Variants in SPATA9 observed in about 807,000 individuals in gnomAD.
SPATA9 encodes the protein spermatogenesis-associated protein 9.
In SPATA9, 27 loss-of-function variants were observed where a neutral mutation model predicts 25.5. The observed-to-expected ratio is 1.06, with a 90% CI of 0.78 to 1.46. The LOEUF (loss-of-function observed/expected upper bound fraction) is 1.46. Among genes scored for constraint, SPATA9 ranks in the 40% most tolerant of loss-of-function variants. The probability of loss-of-function intolerance (pLI) is 0.00; values close to 1 mark genes in which losing one functional copy is unlikely to be tolerated. For synonymous variants in SPATA9, 102 were observed against 105.7 expected, an observed-to-expected ratio of 0.97 and a Z score of 0.21; for missense variants, 282 against 297.5, an observed-to-expected ratio of 0.95 and a Z score of 0.38.
intron 3 of SPATA9, among the ~76,000 whole-genome samples, chr5:95,665,829 C>G (rs549311184): frequency 6.6e-6 from 1 of 152,226 alleles, no homozygotes; most frequent in South Asian, 2.1e-4. Context: ...ATTAGCCAGG[C>G]CTGGTGGCGC....
At chr5:95,701,999 T>G (rs1754189840), upstream of SPATA9, among the ~76,000 whole-genome samples, 1 of 152,232 alleles carries the variant, frequency 6.6e-6, no homozygotes, top group African/African-American at 2.4e-5. Flanking sequence ...TTTAAATCCT[T>G]AAAGGATTGT....
chr5:95,699,451 A>C (rs1328529721), upstream of SPATA9, among the ~76,000 whole-genome samples: 1 of 152,240 alleles, frequency 6.6e-6, no homozygotes, highest in Non-Finnish European at 1.5e-5. Context: ...GGAAACATTT[A>C]CCAGGAACTA....
chr5:95,654,225 T>C, downstream of SPATA9: 1 of 1,612,572 alleles, frequency 6.2e-7, no homozygotes, highest in South Asian at 1.1e-5. Context: ...GCTATGGATA[T>C]TCGCTGTTAC....
chr5:95,697,678 G>C (rs2112713261), intron 1 of SPATA9, among the ~76,000 whole-genome samples: 1 of 152,332 alleles, frequency 6.6e-6, no homozygotes, highest in Non-Finnish European at 1.5e-5. Context: ...CATTGTGGAT[G>C]CAAGTTTTCC....
the SPATA9 span, among the ~76,000 whole-genome samples, chr5:95,710,166 T>G: frequency 1.3e-5 from 2 of 152,202 alleles, no homozygotes; most frequent in African/African-American, 4.8e-5. Flanking sequence ...TCATACTCCC[T>G]GCTCGAGAAA....
At chr5:95,705,221 C>T in the SPATA9 span, among the ~76,000 whole-genome samples, 1 of 152,074 alleles carries the variant, frequency 6.6e-6, no homozygotes, top group Non-Finnish European at 1.5e-5. Flanking sequence ...CCCACCTCAG[C>T]CTCCTAAAGT....
At chr5:95,690,949 C>T (rs1422134) in intron 1 of SPATA9, among the ~76,000 whole-genome samples, 31,804 of 152,054 alleles carry the variant, frequency 0.21, 3,915 homozygotes, top group African/African-American at 0.35. Flanking sequence ...ATTTTCCTTT[C>T]AAGGAGTTTT....
chr5:95,688,108 C>A (rs1359689063), intron 1 of SPATA9, among the ~76,000 whole-genome samples: 2 of 152,266 alleles, frequency 1.3e-5, no homozygotes, highest in Non-Finnish European at 2.9e-5. Context: ...CAGAAAGATA[C>A]CTGCATTCTT....
At chr5:95,652,668 A>G (rs1750421058), downstream of SPATA9, 1 of 254,170 alleles carries the variant, frequency 3.9e-6, no homozygotes, top group Non-Finnish European at 7.5e-6. Flanking sequence ...TTAAAATAAT[A>G]CCTTTTTAGT....
chr5:95,732,011 G>C, the SPATA9 span: 1 of 1,614,200 alleles, frequency 6.2e-7, no homozygotes, highest in Non-Finnish European at 8.5e-7. Flanking sequence ...ACGGTCGCGC[G>C]TCCGGTGTTC....
chr5:95,660,011 A>ATT (rs1241277322), intron 4 of SPATA9, among the ~76,000 whole-genome samples: 1 of 152,134 alleles, frequency 6.6e-6, no homozygotes, highest in African/African-American at 2.4e-5. Flanking sequence ...AAGGACTAAA[A>ATT]AGTTTTTAGA....
intron 3 of SPATA9, among the ~76,000 whole-genome samples, chr5:95,668,655 T>A (rs1752055502): frequency 1.3e-5 from 2 of 152,250 alleles, no homozygotes; most frequent in South Asian, 4.1e-4. Flanking sequence ...GTTATGTTCA[T>A]ATATTTCTTT....
At chr5:95,712,900 C>T in the SPATA9 span, among the ~76,000 whole-genome samples, 1 of 151,878 alleles carries the variant, frequency 6.6e-6, no homozygotes, top group Admixed American at 6.6e-5. Flanking sequence ...TTTTTAATTG[C>T]TTTTTTTATC....
chr5:95,712,672 G>A, the SPATA9 span, among the ~76,000 whole-genome samples: 1 of 152,268 alleles, frequency 6.6e-6, no homozygotes, highest in Non-Finnish European at 1.5e-5. Context: ...ACTTGAAGAT[G>A]TTGAATCACC....
chr5:95,730,857 G>T, the SPATA9 span: 1 of 455,682 alleles, frequency 2.2e-6, no homozygotes, highest in South Asian at 1.5e-5. Context: ...TTAGAAAACA[G>T]CTGTAGCGCA....
At chr5:95,686,761 TGC>T (rs1753758105), upstream of SPATA9, among the ~76,000 whole-genome samples, 1 of 152,106 alleles carries the variant, frequency 6.6e-6, no homozygotes, top group Non-Finnish European at 1.5e-5. Flanking sequence ...CTGGTAGCAA[TGC>T]CTTAATAATC....
intron 3 of SPATA9, among the ~76,000 whole-genome samples, chr5:95,669,151 A>G (rs1270706978): frequency 6.6e-6 from 1 of 152,222 alleles, no homozygotes; most frequent in Admixed American, 6.5e-5. Context: ...CAGTGTTAAC[A>G]TTCTGTAGAA....
At chr5:95,675,965 G>GCAAGCAC (rs1459176010) in intron 2 of SPATA9, among the ~76,000 whole-genome samples, 5 of 151,582 alleles carry the variant, frequency 3.3e-5, no homozygotes, top group Admixed American at 3.3e-4. Context: ...GGGCATACAC[G>GCAAGCAC]CAAGCACCAC....
chr5:95,671,922 T>TAA lies in SPATA9; in HGVS notation c.378+3488_378+3489dup, dbSNP rs11441112. On this transcript the variant is annotated intron_variant, in intron 3 of 4. Transcript: ENST00000274432. ...AAACTTAAAGTATAATTAAAAAAAG[T>TAA]AAAAAAAAACCAGAAATGCTATAAA... 6.4e-3 allele frequency among the ~76,000 whole-genome samples: 956 copies of TAA among 148,634 alleles called. 11 individuals are homozygous for TAA. Among genetic ancestry groups the TAA allele is most frequent in the South Asian group, 0.011 (53 of 4,706 alleles).
Sources: allele counts gnomAD v4.1 joint callset (sites outside exome capture counted in the v4.1 genomes callset), GRCh38; gene constraint gnomAD v4.1.1; transcripts MANE v1.5; gene names NCBI Gene and HGNC (gene_info 2026-07-23, HGNC 2026-07-21).